The following RPAIN variants were observed in gnomAD, a reference collection of about 807,000 sequenced individuals.
RPAIN encodes the protein RPA interacting protein.
Under a neutral mutation model 30.5 loss-of-function variants are expected in RPAIN, and 29 were observed. The ratio of observed to expected loss-of-function variants is 0.95; its 90% confidence interval spans 0.71 to 1.30. The LOEUF (loss-of-function observed/expected upper bound fraction) is 1.30. Ranked by LOEUF, RPAIN falls within the 50% of genes most tolerant of loss-of-function variation. The pLI, the probability that RPAIN is intolerant of heterozygous loss-of-function variation, is 0.00. For synonymous variants in RPAIN, 101 were observed against 93.5 expected (o/e 1.08, Z -0.46); for missense variants, 247 against 264.7 (o/e 0.93, Z 0.46).
At chr17:5,423,623 T>C (rs1479527668) in intron 3 of RPAIN, among the ~76,000 whole-genome samples, 1 of 152,258 alleles carries the variant, frequency 6.6e-6, no homozygotes, top group East Asian at 1.9e-4. Context: ...ACATTCTCTA[T>C]TAACTCCCCA....
Position 5,426,012 on chromosome 17 carries a change from G to T in RPAIN, c.355G>T (p.Asp119Tyr), listed in dbSNP as rs1173599504. The change falls in exon 4 of 7, where the codon GAT becomes TAT. Residue 119 changes from aspartate (D) to tyrosine (Y), a missense_variant. Transcript: ENST00000381209. ...CGAGTATGAGAAGAGCTTGCAGTTT[G>T]ATGAAAAGTGTCTCAGCATCATGCT... Reference protein sequence around the residue: ...ISEYEKSLQFDEKCLSIMLAE... With the variant: ...ISEYEKSLQFYEKCLSIMLAE... The T allele has an allele frequency of 1.9e-6, 3 of 1,613,888 alleles. No individual in the cohort carries two copies. Among genetic ancestry groups the T allele is most frequent in the Non-Finnish European group, 2.5e-6 (3 of 1,179,976 alleles).
chr17:5,420,350 C>T (rs938800150), intron 1 of RPAIN, 59 bp downstream of exon 1: 1 of 1,446,554 alleles, frequency 6.9e-7, no homozygotes, highest in Admixed American at 1.8e-5. Context: ...CGCCGTCTTC[C>T]CTGCCTTCGC....
chr17:5,431,027 C>T (rs542782360), intron 6 of RPAIN: 2 of 190,248 alleles, frequency 1.1e-5, no homozygotes, highest in South Asian at 2.2e-4. Context: ...CTCACCTAAC[C>T]GTCAGTGCCC....
chr17:5,428,046 G>A (rs1411156966), intron 5 of RPAIN, 25 bp from the exon 6 acceptor site: 3 of 1,612,844 alleles, frequency 1.9e-6, no homozygotes, highest in Non-Finnish European at 2.5e-6. Context: ...TCACTGAGAG[G>A]AGGTTGAACT....
In RPAIN at chr17:5,421,392, C is replaced by T. The variant is rs768718644; in HGVS notation, c.178C>T (p.Leu60=). 2 of 1,614,048 alleles carry T rather than the reference C, an allele frequency of 1.2e-6. No individual in the cohort carries two copies. Among genetic ancestry groups the T allele is most frequent in the Non-Finnish European group, 1.7e-6 (2 of 1,180,012 alleles). ...SGPGNSQNSF[L]VQEVMEEEWN... is the part of the protein sequence containing the mutation. ...GCCAGGGAATTCTCAGAACAGCTTTCTAGTTCAAGAGGTGATGGAAGAAGA... is the reference window on the plus strand; with the variant it reads ...GCCAGGGAATTCTCAGAACAGCTTTTTAGTTCAAGAGGTGATGGAAGAAGA... The change falls in exon 2 of 7, where the codon CTA becomes TTA. Residue 60 remains leucine (L), a synonymous_variant. Transcript: ENST00000381209.
In RPAIN at chr17:5,432,597, A is replaced by G. The variant is rs1415899060; in HGVS notation, c.*26A>G. 6 of 1,609,572 alleles carry G rather than the reference A, an allele frequency of 3.7e-6. No individual in the cohort carries two copies. Among genetic ancestry groups the G allele is most frequent in the African/African-American group, 1.3e-5 (1 of 74,814 alleles). Reference sequence around the variant, plus strand: ...AGCCAGCTTGGACTCACATCATTCTATGGGGTTGAAGACAACTCATTCCCT... The same window carrying G: ...AGCCAGCTTGGACTCACATCATTCTGTGGGGTTGAAGACAACTCATTCCCT... On this transcript the variant is annotated 3_prime_UTR_variant, in exon 7 of 7. Transcript: ENST00000381209.
At chr17:5,430,554 A>C (rs543626604) in intron 6 of RPAIN, 1 of 152,246 alleles carries the variant, frequency 6.6e-6, no homozygotes, top group African/African-American at 2.4e-5. Flanking sequence ...CAATAAACCT[A>C]ATGAGGGCTG....
Position 5,421,341 on chromosome 17 carries a change from A to G in RPAIN, c.127A>G (p.Arg43Gly), listed in dbSNP as rs1597338799. ...AAACAGCCGGGACAGGCTCCTAAAC[A>G]GGTACCGCCAGGCTGGAAGCAGTGG... ...MRNSRDRLLN[R>G]YRQAGSSGPG... Residue 43 changes from arginine (R) to glycine (G), a missense_variant, in exon 2 of 7, where the codon AGG becomes GGG. By Grantham distance (125) the Arg-to-Gly change is moderately radical. Transcript: ENST00000381209. 1.2e-6 allele frequency: 2 copies of G among 1,613,926 alleles called. No individual in the cohort carries two copies. The highest frequency in any genetic ancestry group is 1.7e-6 in the Non-Finnish European group (2 of 1,179,958).
intron 3 of RPAIN, among the ~76,000 whole-genome samples, chr17:5,424,423 C>T (rs572939943): frequency 7.2e-5 from 11 of 152,212 alleles, no homozygotes; most frequent in African/African-American, 2.6e-4. Context: ...GAGGCATGGC[C>T]CCCAGCCTTA....
chr17:5,432,714 C>A lies in RPAIN; in HGVS notation c.*143C>A. On this transcript the variant is annotated 3_prime_UTR_variant, in exon 7 of 7. Coordinates refer to ENST00000381209, the MANE Select transcript of RPAIN (RefSeq NM_001033002.4). ...ACTGAAGAAAAAAAAACTTTTCCGA[C>A]ATCTGTTCTTGGTCTTTTGTGACGC... is the stretch of plus-strand genomic sequence containing the variant. The A allele has an allele frequency of 1.1e-6, 1 of 897,120 alleles. No homozygotes were observed. The highest frequency in any genetic ancestry group is 1.7e-6 in the Non-Finnish European group (1 of 591,322). 55.6% of individuals were successfully genotyped at this position (897,120 alleles called of 1,614,324 possible).
intron 5 of RPAIN, 71 bp downstream of exon 5, chr17:5,426,370 T>TCA: frequency 7.6e-7 from 1 of 1,322,342 alleles, no homozygotes; most frequent in Non-Finnish European, 1.1e-6. Flanking sequence ...GATCCTCCAG[T>TCA]GCTGACTTGG....
At chr17:5,420,921 GGGA>G (rs1914726098) in intron 1 of RPAIN, among the ~76,000 whole-genome samples, 1 of 152,162 alleles carries the variant, frequency 6.6e-6, no homozygotes, top group South Asian at 2.1e-4. Context: ...TGTTCCTTGG[GGGA>G]CAAAACCTCC....
intron 6 of RPAIN, chr17:5,428,587 G>A (rs1366814094): frequency 2.9e-6 from 3 of 1,049,568 alleles, no homozygotes; most frequent in Non-Finnish European, 3.7e-6. Flanking sequence ...TAGCAGGGCA[G>A]CATTAGGTTT....
Position 5,425,952 on chromosome 17 carries a change from A to G in RPAIN, c.314-19A>G. The G allele has an allele frequency of 6.4e-7, 1 of 1,560,434 alleles. No homozygotes were observed. The highest frequency in any genetic ancestry group is 2.2e-5 in the East Asian group (1 of 44,590). On this transcript the variant is annotated intron_variant, in intron 3 of 6. Coordinates refer to ENST00000381209, the MANE Select transcript of RPAIN (RefSeq NM_001033002.4). The stretch of plus-strand genomic sequence containing the variant: ...CAGCTGAAGCATGGTGAAGCCCTCC[A>G]ACTGCCTTTGCCTTGCAGAGCAGTC...
At chr17:5,427,058 T>C (rs886578011) in intron 5 of RPAIN, 11 of 152,216 alleles carry the variant, frequency 7.2e-5, no homozygotes, top group African/African-American at 2.7e-4. Flanking sequence ...AAATGTTTTA[T>C]GGTAAGTTTC....
intron 6 of RPAIN, chr17:5,432,312 G>A: frequency 4.1e-6 from 2 of 487,366 alleles, no homozygotes; most frequent in South Asian, 3.6e-5. Flanking sequence ...TTAGCTTGAA[G>A]ACTATTGATG....
chr17:5,428,412 G>A (rs746940037), intron 6 of RPAIN: 15 of 1,468,594 alleles, frequency 1.0e-5, no homozygotes, highest in Non-Finnish European at 1.3e-5. Context: ...AGGCAGCATG[G>A]GATCACGGCA....
rs759385980 is a variant in RPAIN at position 5,426,094 on chromosome 17, T to A, written c.425+12T>A. On this transcript the variant is annotated intron_variant, in intron 4 of 6. Coordinates refer to ENST00000381209, the MANE Select transcript of RPAIN (RefSeq NM_001033002.4). ...CCTGTATGTACAAAGTAAGAGTTTT[T>A]AAAACCTTTTCAGCATTATTCGTTC... is the stretch of plus-strand genomic sequence containing the variant. The A allele has an allele frequency of 2.4e-5, 39 of 1,599,468 alleles. No individual in the cohort carries two copies. The highest frequency in any genetic ancestry group is 1.7e-4 in the Middle Eastern group (1 of 6,056).
chr17:5,431,211 G>C (rs1442211278), intron 6 of RPAIN: 5 of 337,526 alleles, frequency 1.5e-5, no homozygotes, highest in Non-Finnish European at 2.9e-5. Context: ...ACACAGCCAG[G>C]CACTGTGGTT....
Sources: gnomAD v4.1 joint callset for allele counts (sites outside exome capture counted in the v4.1 genomes callset) on GRCh38, gnomAD v4.1.1 for gene constraint, MANE v1.5 for transcripts, NCBI Gene and HGNC (gene_info 2026-07-23, HGNC 2026-07-21) for gene names.